The following ZDHHC21 variants were observed in gnomAD, a reference collection of about 807,000 sequenced individuals.
ZDHHC21 encodes palmitoyltransferase ZDHHC21.
Under a neutral mutation model 34.6 loss-of-function variants are expected in ZDHHC21, and 15 were observed. The ratio of observed to expected loss-of-function variants is 0.43; its 90% CI spans 0.29 to 0.67. ZDHHC21 has a LOEUF of 0.67. ZDHHC21 is among the 30% of genes least tolerant of loss of function. The pLI is 0.14. For missense variants in ZDHHC21, 344 were observed against 327.7 expected (o/e 1.05, Z -0.38); for synonymous variants, 142 against 101.8 (o/e 1.40, Z -2.38).
At position 14,619,053 on chromosome 9, in the gene ZDHHC21, A is replaced by G; in HGVS notation, c.711T>C (p.Phe237=). The change falls in exon 10 of 10, where the codon TTT becomes TTC. Residue 237 remains phenylalanine, a synonymous_variant. Transcript: ENST00000380916. ...ACCACAGGATCTTCCAACGAGTGCC[A>G]AAAACTTCTGAGAAGGTCTGCTGCC... ...KPWQQTFSEV[F]GTRWKILWFI... 3 of 1,611,506 alleles carry G rather than the reference A, an allele frequency of 1.9e-6. No individual in the cohort carries two copies. The highest frequency in any genetic ancestry group is 2.5e-6 in the Non-Finnish European group (3 of 1,178,626).
chr9:14,615,642 T>C lies in ZDHHC21; in HGVS notation c.*3324A>G, dbSNP rs1824024922. The C allele has an allele frequency of 6.6e-6, 1 of 151,646 alleles. No homozygotes were observed. Among genetic ancestry groups the C allele is most frequent in the South Asian group, 2.1e-4 (1 of 4,834 alleles). 9.4% of individuals were successfully genotyped at this position (151,646 alleles called of 1,614,324 possible). On this transcript the variant is annotated 3_prime_UTR_variant, in exon 10 of 10. Coordinates refer to ENST00000380916, the MANE Select transcript of ZDHHC21 (RefSeq NM_178566.6). ...TGCTCTGTAACTGAATGCCTACTGCTTGAAGGGTCCTGAACTCAGTCCATT... is the reference window on the plus strand; with the variant it reads ...TGCTCTGTAACTGAATGCCTACTGCCTGAAGGGTCCTGAACTCAGTCCATT...
In ZDHHC21 at chr9:14,615,303, T is replaced by C. The variant is rs890303193; in HGVS notation, c.*3663A>G. The C allele has an allele frequency of 6.6e-6, 1 of 151,688 alleles. No individual in the cohort carries two copies. The highest frequency in any genetic ancestry group is 1.5e-5 in the Non-Finnish European group (1 of 67,694). The allele number at this position is 151,688 out of a possible 1,614,324, so 9.4% of individuals were successfully genotyped here. On this transcript the variant is annotated 3_prime_UTR_variant, in exon 10 of 10. Coordinates refer to ENST00000380916, the MANE Select transcript of ZDHHC21 (RefSeq NM_178566.6). ...TTGAATGTGTAACAAAGAATAGTTA[T>C]CATTAGCCATCATACTTAGAGAAAA... is the stretch of plus-strand genomic sequence containing the variant.
downstream of ZDHHC21, among the ~76,000 whole-genome samples, chr9:14,610,511 A>C (rs892333931): frequency 6.6e-6 from 1 of 152,044 alleles, no homozygotes; most frequent in Non-Finnish European, 1.5e-5. Flanking sequence ...AATTTTTAAA[A>C]GAATTTAAAA....
intron 1 of ZDHHC21, 48 bp downstream of exon 1, chr9:14,693,175 CGGATGG>C: frequency 5.0e-6 from 1 of 199,954 alleles, no homozygotes; most frequent in South Asian, 3.3e-5. Flanking sequence ...GGTGGGGGTG[CGGATGG>C]GGATGGGGGT....
chr9:14,647,428 A>C (rs890318948), intron 7 of ZDHHC21, among the ~76,000 whole-genome samples: 1 of 152,132 alleles, frequency 6.6e-6, no homozygotes, highest in Non-Finnish European at 1.5e-5. Flanking sequence ...AAGACTATAT[A>C]CTATACCTTA....
chr9:14,598,142 G>A, the ZDHHC21 span, among the ~76,000 whole-genome samples: 1 of 152,050 alleles, frequency 6.6e-6, no homozygotes, highest in African/African-American at 2.4e-5. Flanking sequence ...GGAGGCTCAA[G>A]GATTAGTCCA....
intron 2 of ZDHHC21, among the ~76,000 whole-genome samples, chr9:14,683,928 T>C (rs1837823394): frequency 6.6e-6 from 1 of 152,100 alleles, no homozygotes; most frequent in Non-Finnish European, 1.5e-5. Flanking sequence ...ATCCAGCATA[T>C]AAACAGAACC....
intron 8 of ZDHHC21, among the ~76,000 whole-genome samples, chr9:14,627,013 T>C (rs1410463067): frequency 6.6e-6 from 1 of 152,034 alleles, no homozygotes; most frequent in East Asian, 1.9e-4. Flanking sequence ...TAATTAGCAA[T>C]GATGTTCATG....
intron 3 of ZDHHC21, among the ~76,000 whole-genome samples, chr9:14,678,495 T>C (rs1451149419): frequency 2.0e-5 from 3 of 152,060 alleles, no homozygotes; most frequent in African/African-American, 7.2e-5. Flanking sequence ...TCATCTACTG[T>C]ATTGAAAAAC....
chr9:14,596,095 T>C, the ZDHHC21 span, among the ~76,000 whole-genome samples: 1 of 152,224 alleles, frequency 6.6e-6, no homozygotes, highest in African/African-American at 2.4e-5. Context: ...AATGAAAACA[T>C]GTCTTTACAA....
the ZDHHC21 span, among the ~76,000 whole-genome samples, chr9:14,597,744 C>A: frequency 6.6e-6 from 1 of 152,298 alleles, no homozygotes; most frequent in East Asian, 1.9e-4. Flanking sequence ...CCTGCCACCA[C>A]TGGCAGCCAC....
downstream of ZDHHC21, among the ~76,000 whole-genome samples, chr9:14,609,970 C>T (rs1225299822): frequency 6.6e-6 from 1 of 152,098 alleles, no homozygotes; most frequent in South Asian, 2.1e-4. Flanking sequence ...GTATGAGATC[C>T]AACTTTCTTC....
At chr9:14,653,780 A>G (rs1831681182) in intron 7 of ZDHHC21, among the ~76,000 whole-genome samples, 1 of 152,086 alleles carries the variant, frequency 6.6e-6, no homozygotes, top group Non-Finnish European at 1.5e-5. Context: ...AATGATTAAA[A>G]TCACCTGGGA....
chr9:14,595,079 T>C, the ZDHHC21 span, among the ~76,000 whole-genome samples: 1 of 152,296 alleles, frequency 6.6e-6, no homozygotes, highest in East Asian at 1.9e-4. Flanking sequence ...TCAGGTAAAA[T>C]GTGACATACA....
intron 8 of ZDHHC21, among the ~76,000 whole-genome samples, chr9:14,630,028 G>T (rs994505205): frequency 6.6e-6 from 1 of 152,130 alleles, no homozygotes; most frequent in Non-Finnish European, 1.5e-5. Context: ...CCTGGCGACA[G>T]AGAGAGACTC....
At position 14,618,387 on chromosome 9, in the gene ZDHHC21, G is replaced by A. The variant is rs1824657264; in HGVS notation, c.*579C>T. On this transcript the variant is annotated 3_prime_UTR_variant, in exon 10 of 10. Coordinates refer to ENST00000380916, the MANE Select transcript of ZDHHC21 (RefSeq NM_178566.6). ...GTGAAGAAAAAAGAAGAAAACGTAA[G>A]CAAGCCACTCCTAAGAAACCAATGC... 2.0e-5 allele frequency: 3 copies of A among 152,524 alleles called. No individual in the cohort carries two copies. In the South Asian group the frequency reaches 6.2e-4, roughly 32 times the overall value. 9.4% of individuals were successfully genotyped at this position (152,524 alleles called of 1,614,324 possible).
the ZDHHC21 span, among the ~76,000 whole-genome samples, chr9:14,597,846 C>T: frequency 6.6e-6 from 1 of 152,194 alleles, no homozygotes; most frequent in South Asian, 2.1e-4. Flanking sequence ...ACAGACCCAC[C>T]CAGCCTACCA....
chr9:14,630,113 AT>A (rs1210276582), intron 8 of ZDHHC21, among the ~76,000 whole-genome samples: 1 of 152,132 alleles, frequency 6.6e-6, no homozygotes, highest in African/African-American at 2.4e-5. Context: ...TTCATGAACG[AT>A]TTCTCTGTAG....
intron 7 of ZDHHC21, among the ~76,000 whole-genome samples, chr9:14,651,534 T>A (rs1050221202): frequency 6.6e-6 from 1 of 151,904 alleles, no homozygotes; most frequent in African/African-American, 2.4e-5. Flanking sequence ...ATACTATTTA[T>A]CCCTTCAGAA....
Sources: allele counts gnomAD v4.1 joint callset (sites outside exome capture counted in the v4.1 genomes callset), GRCh38; gene constraint gnomAD v4.1.1; transcripts MANE v1.5; gene names NCBI Gene and HGNC (gene_info 2026-07-23, HGNC 2026-07-21).